The following CUX1 variants were observed in gnomAD, a reference collection of about 807,000 sequenced individuals.
CUX1 encodes protein CASP.
CUX1 carries 31 observed loss-of-function variants against 158.8 expected under a neutral mutation model. The ratio of observed to expected loss-of-function variants is 0.20; its 90% CI spans 0.15 to 0.26. CUX1 has a LOEUF of 0.26. CUX1 is among the 10% of genes least tolerant of loss of function. CUX1 has a pLI of 1.00. For synonymous variants in CUX1, 879 were observed against 862.1 expected, an observed-to-expected ratio of 1.02 and a Z score of -0.34; for missense variants, 1,589 against 2,014.6, an observed-to-expected ratio of 0.79 and a Z score of 4.04.
At chr7:102,193,394 G>A (rs1554517486) in intron 12 of CUX1, among the ~76,000 whole-genome samples, 5 of 152,218 alleles carry the variant, frequency 3.3e-5, no homozygotes. Context: ...AGTTATTCTA[G>A]AGACATTATC....
At chr7:102,156,685 G>C (rs1554505394) in intron 8 of CUX1, among the ~76,000 whole-genome samples, 1 of 152,150 alleles carries the variant, frequency 6.6e-6, no homozygotes, top group African/African-American at 2.4e-5. Flanking sequence ...TGGGACCATG[G>C]AGCAGGTTTC....
intron 4 of CUX1, among the ~76,000 whole-genome samples, chr7:102,075,241 C>A (rs1236152140): frequency 6.6e-6 from 1 of 152,186 alleles, no homozygotes; most frequent in Non-Finnish European, 1.5e-5. Context: ...CACCCAAACT[C>A]CTGCCCTACA....
chr7:102,149,536 C>A (rs1393138334), intron 8 of CUX1, among the ~76,000 whole-genome samples: 2 of 152,150 alleles, frequency 1.3e-5, no homozygotes, highest in Non-Finnish European at 2.9e-5. Context: ...ATTTGTTTCC[C>A]TTGGGTGTGG....
At chr7:101,903,902 G>A (rs1802443632) in intron 1 of CUX1, among the ~76,000 whole-genome samples, 1 of 152,084 alleles carries the variant, frequency 6.6e-6, no homozygotes, top group Non-Finnish European at 1.5e-5. Flanking sequence ...AGGCTTGTAG[G>A]AAAACTTTGT....
rs782763123 is a variant in CUX1 at position 102,196,736 on chromosome 7, C to T, written c.1325C>T (p.Ala442Val). 1 of 1,613,552 alleles carries T rather than the reference C, an allele frequency of 6.2e-7. No individual in the cohort carries two copies. The highest frequency in any genetic ancestry group is 8.5e-7 in the Non-Finnish European group (1 of 1,179,622). ...TTGCCCCGCAACCCGGGGGAGCAGG[C>T]TTCCAATACTAATGGTACACACCAG... The part of the protein sequence containing the change: ...SQLPRNPGEQ[A>V]SNTNGTHQFS... Residue 442 changes from alanine (A) to valine (V), a missense_variant, in exon 15 of 24, where the codon GCT (alanine) becomes GTT (valine). By Grantham distance (64) the Ala-to-Val change is moderately conservative. Coordinates refer to ENST00000292535, the MANE Select transcript of CUX1 (RefSeq NM_181552.4).
In CUX1 at chr7:101,994,633, C is replaced by T. The variant is rs190508735; in HGVS notation, c.142-33465C>T. Among the ~76,000 whole-genome samples, 497 of 152,190 alleles carry T rather than the reference C, an allele frequency of 3.3e-3. 4 individuals carry two copies. Among genetic ancestry groups the T allele is most frequent in the African/African-American group, 0.01 (431 of 41,536 alleles). ...AGCAACAAAAAAGGAAATATGAGCT[C>T]CCTTCCCAGATCCGTGCCTCTGGAC... On this transcript the variant is annotated intron_variant, in intron 2 of 23. Transcript: ENST00000292535.
intron 3 of CUX1, among the ~76,000 whole-genome samples, chr7:102,039,925 C>A (rs1821877804): frequency 6.6e-6 from 1 of 152,094 alleles, no homozygotes; most frequent in African/African-American, 2.4e-5. Flanking sequence ...AAGGAATGAT[C>A]TGAAACTTCC....
intron 14 of CUX1, among the ~76,000 whole-genome samples, chr7:102,267,629 T>G (rs1554545355): frequency 2.6e-5 from 4 of 152,204 alleles, no homozygotes; most frequent in Non-Finnish European, 5.9e-5. Flanking sequence ...TCTCTGCATT[T>G]AATCCTTCTG....
intron 23 of CUX1, among the ~76,000 whole-genome samples, 199 bp downstream of exon 23, chr7:102,239,783 G>A (rs1752360009): frequency 6.6e-6 from 1 of 151,512 alleles, no homozygotes; most frequent in African/African-American, 2.4e-5. Context: ...TTTCAATCTT[G>A]TTGCCCAGGC....
chr7:102,216,766 CCA>C (rs1443777305), intron 20 of CUX1, among the ~76,000 whole-genome samples: 9 of 126,688 alleles, frequency 7.1e-5, no homozygotes, highest in South Asian at 2.8e-4. Flanking sequence ...ACACACTCTT[CCA>C]CACACACTCT....
chr7:102,215,115 C>T (rs1303409078), intron 20 of CUX1, among the ~76,000 whole-genome samples: 2 of 152,102 alleles, frequency 1.3e-5, no homozygotes, highest in Non-Finnish European at 2.9e-5. Context: ...CTTCTCATTC[C>T]AGAGTTAAGG....
chr7:102,187,080 C>A (rs1410644311), intron 11 of CUX1: 1 of 151,972 alleles, frequency 6.6e-6, no homozygotes, highest in Admixed American at 6.6e-5. Context: ...TTGACCAAAG[C>A]GTTATGCGGT....
At chr7:102,068,397 G>A (rs1033675146) in intron 3 of CUX1, among the ~76,000 whole-genome samples, 1 of 152,088 alleles carries the variant, frequency 6.6e-6, no homozygotes. Context: ...GATTACAGGC[G>A]TGAGCCACCA....
intron 3 of CUX1, among the ~76,000 whole-genome samples, chr7:102,049,057 C>T (rs1032509314): frequency 6.6e-6 from 1 of 152,092 alleles, no homozygotes; most frequent in African/African-American, 2.4e-5. Flanking sequence ...TAGGCCTCCC[C>T]TGCTTTGCTG....
intron 2 of CUX1, among the ~76,000 whole-genome samples, chr7:102,002,770 G>A (rs529001718): frequency 1.3e-5 from 2 of 152,114 alleles, no homozygotes; most frequent in African/African-American, 2.4e-5. Flanking sequence ...GTGCTGGGCC[G>A]CCCTGCCACC....
intron 1 of CUX1, among the ~76,000 whole-genome samples, chr7:101,898,810 C>T (rs1417516751): frequency 1.3e-5 from 2 of 152,282 alleles, no homozygotes; most frequent in Admixed American, 6.5e-5. Context: ...AGGCCAGTCT[C>T]GAACTCCTGA....
Position 102,251,911 on chromosome 7 carries a change from T to C in CUX1, c.*2869T>C. 1.0e-6 allele frequency: 1 copy of C among 985,432 alleles called. No individual in the cohort carries two copies. Among genetic ancestry groups the C allele is most frequent in the South Asian group, 4.7e-5 (1 of 21,288 alleles). 61.0% of individuals were successfully genotyped at this position (985,432 alleles called of 1,614,324 possible). The stretch of plus-strand genomic sequence containing the variant: ...TTTGTCCATTCTAGTGGCCAAACAG[T>C]AACAGTCTAAAATGCAGTCATTTTG... On this transcript the variant is annotated 3_prime_UTR_variant, in exon 24 of 24. Transcript: ENST00000292535.
At chr7:102,022,613 C>CAA (rs11344759) in intron 2 of CUX1, among the ~76,000 whole-genome samples, 1 of 135,020 alleles carries the variant, frequency 7.4e-6, no homozygotes, top group African/African-American at 2.8e-5. Flanking sequence ...GACACTGTCT[C>CAA]AAAAAAAAAA....
rs1186471139 is a variant in CUX1 at position 102,253,875 on chromosome 7, G to A, written c.*4833G>A. ...TTTGGCTCCTGTGCTGCCGGTGGGGGGCCCTGTCCCTCCCCAGATGTCCTC... is the reference window on the plus strand; with the variant it reads ...TTTGGCTCCTGTGCTGCCGGTGGGGAGCCCTGTCCCTCCCCAGATGTCCTC... On this transcript the variant is annotated 3_prime_UTR_variant, in exon 24 of 24. Coordinates refer to ENST00000292535, the MANE Select transcript of CUX1 (RefSeq NM_181552.4). The A allele has an allele frequency of 6.1e-6, 6 of 985,566 alleles. No individual in the cohort carries two copies. In the African/African-American group the frequency reaches 8.7e-5, roughly 14 times the overall value. The allele number at this position is 985,566 out of a possible 1,614,324, so 61.1% of individuals were successfully genotyped here.
Sources: allele counts gnomAD v4.1 joint callset (sites outside exome capture counted in the v4.1 genomes callset), GRCh38; gene constraint gnomAD v4.1.1; transcripts MANE v1.5; gene names NCBI Gene and HGNC (gene_info 2026-07-23, HGNC 2026-07-21).